Variants in EXOC4 observed in about 807,000 individuals in gnomAD.
EXOC4 encodes the protein exocyst complex component 4.
In EXOC4, 71 loss-of-function variants were observed where a neutral mutation model predicts 107.2. The ratio of observed to expected loss-of-function variants is 0.66; its 90% CI spans 0.55 to 0.81. The LOEUF is 0.81. Among genes scored for constraint, EXOC4 ranks in the 30% least tolerant of loss-of-function variants. The pLI is 0.00. For missense variants in EXOC4, 1,108 were observed against 1,189.6 expected (o/e 0.93, Z 1.01); for synonymous variants, 456 against 441.2 (o/e 1.03, Z -0.42).
intron 12 of EXOC4, among the ~76,000 whole-genome samples, chr7:133,906,443 G>T (rs1374639340): frequency 6.6e-6 from 1 of 152,198 alleles, no homozygotes; most frequent in Admixed American, 6.5e-5. Context: ...GTAGTAAAGA[G>T]AGCTCACTAA....
chr7:133,436,413 A>T (rs1797975402), intron 7 of EXOC4, among the ~76,000 whole-genome samples: 1 of 152,066 alleles, frequency 6.6e-6, no homozygotes, highest in Non-Finnish European at 1.5e-5. Flanking sequence ...CTAATAAATG[A>T]TGAAACTAAC....
chr7:133,750,972 CGTT>C (rs1795783286), intron 10 of EXOC4, among the ~76,000 whole-genome samples: 1 of 152,150 alleles, frequency 6.6e-6, no homozygotes, highest in Non-Finnish European at 1.5e-5. Flanking sequence ...CTTGGACAGA[CGTT>C]GTTTGTATTT....
chr7:134,000,568 A>G (rs970385394), intron 15 of EXOC4, among the ~76,000 whole-genome samples: 3 of 152,196 alleles, frequency 2.0e-5, no homozygotes, highest in African/African-American at 4.8e-5. Context: ...TCTTTAAAGA[A>G]AATGAATTGG....
In EXOC4 at chr7:133,692,820, A is replaced by G. The variant is rs146515379; in HGVS notation, c.1514+62679A>G. ...CTTAACCTTTCTCCTCCTCCTTAGAATTAGTATTTCTCAATAATATTGTCA... is the reference window on the plus strand; with the variant it reads ...CTTAACCTTTCTCCTCCTCCTTAGAGTTAGTATTTCTCAATAATATTGTCA... On this transcript the variant is annotated intron_variant, in intron 10 of 17. Transcript: ENST00000253861. Among the ~76,000 whole-genome samples, 342 of 152,308 alleles carry G rather than the reference A, an allele frequency of 2.2e-3. 2 individuals are homozygous for G. The highest frequency in any genetic ancestry group is 7.7e-3 in the African/African-American group (321 of 41,570).
intron 11 of EXOC4, among the ~76,000 whole-genome samples, chr7:133,835,451 G>A (rs1245889089): frequency 1.3e-5 from 2 of 152,294 alleles, no homozygotes; most frequent in Admixed American, 6.5e-5. Context: ...TGTGTTCATA[G>A]GTAGATAAGA....
At chr7:133,624,190 C>T (rs1024551420) in intron 9 of EXOC4, among the ~76,000 whole-genome samples, 1 of 152,120 alleles carries the variant, frequency 6.6e-6, no homozygotes, top group Middle Eastern at 3.2e-3. Flanking sequence ...TGGGGCATGC[C>T]ACTTCCTATG....
intron 12 of EXOC4, among the ~76,000 whole-genome samples, chr7:133,914,934 T>A (rs1345929932): frequency 4.6e-5 from 7 of 152,184 alleles, no homozygotes; most frequent in Admixed American, 4.6e-4. Flanking sequence ...AATTGTGGAT[T>A]TCTAAAACAT....
At chr7:133,737,517 C>T (rs1273956362) in intron 10 of EXOC4, among the ~76,000 whole-genome samples, 1 of 151,676 alleles carries the variant, frequency 6.6e-6, no homozygotes, top group Admixed American at 6.6e-5. Flanking sequence ...CTATATAGAT[C>T]TACCTCATGT....
At chr7:133,350,705 C>T (rs59739704) in intron 5 of EXOC4, among the ~76,000 whole-genome samples, 7,965 of 152,004 alleles carry the variant, frequency 0.052, 651 homozygotes, top group African/African-American at 0.17. Flanking sequence ...TCAGGATGGT[C>T]TCTCTCTGCA....
intron 9 of EXOC4, among the ~76,000 whole-genome samples, chr7:133,605,087 G>A (rs1801907446): frequency 6.6e-6 from 1 of 152,018 alleles, no homozygotes; most frequent in Non-Finnish European, 1.5e-5. Context: ...GTCTTTCATA[G>A]GTTGTTAGGT....
intron 3 of EXOC4, among the ~76,000 whole-genome samples, chr7:133,305,445 G>A (rs756120748): frequency 6.6e-6 from 1 of 152,160 alleles, no homozygotes; most frequent in East Asian, 1.9e-4. Context: ...CATGATTGCT[G>A]TGAGAACAAG....
chr7:133,363,370 A>G (rs138069713), intron 6 of EXOC4, among the ~76,000 whole-genome samples: 1,651 of 152,336 alleles, frequency 0.011, 16 homozygotes, highest in Non-Finnish European at 0.017. Context: ...TCCCAAGTCT[A>G]TATACTTTCT....
intron 7 of EXOC4, among the ~76,000 whole-genome samples, chr7:133,404,260 C>T (rs925576259): frequency 9.9e-5 from 15 of 152,154 alleles, no homozygotes; most frequent in African/African-American, 1.7e-4. Context: ...CCACTACGCC[C>T]GGCTAATTTT....
At chr7:133,555,158 G>C (rs1450310185) in intron 9 of EXOC4, among the ~76,000 whole-genome samples, 2 of 152,230 alleles carry the variant, frequency 1.3e-5, no homozygotes, top group Middle Eastern at 3.4e-3. Flanking sequence ...TATAGACCAA[G>C]ACATCTAAAT....
At chr7:133,737,852 T>A (rs908838693) in intron 10 of EXOC4, among the ~76,000 whole-genome samples, 2 of 151,610 alleles carry the variant, frequency 1.3e-5, no homozygotes, top group Non-Finnish European at 1.5e-5. Flanking sequence ...GTTGGACCCA[T>A]ATACTTTTAG....
chr7:133,402,230 G>A (rs1207190981), intron 7 of EXOC4, among the ~76,000 whole-genome samples: 1 of 152,148 alleles, frequency 6.6e-6, no homozygotes, highest in Non-Finnish European at 1.5e-5. Context: ...CTTTTTGTTG[G>A]CTAATTGCCA....
At position 133,806,990 on chromosome 7, in the gene EXOC4, G is replaced by A. The variant is rs754108357; in HGVS notation, c.1515-10335G>A. Among the ~76,000 whole-genome samples, 30 of 152,196 alleles carry A rather than the reference G, an allele frequency of 2.0e-4. 1 individual carries two copies. Among genetic ancestry groups the A allele is most frequent in the South Asian group, 4.2e-4 (2 of 4,818 alleles). ...TATGCTGATTTTCTTAAATAAATACGGTCGGCCCTCATATCGCAGGGCTCT... is the reference window on the plus strand; with the variant it reads ...TATGCTGATTTTCTTAAATAAATACAGTCGGCCCTCATATCGCAGGGCTCT... On this transcript the variant is annotated intron_variant, in intron 10 of 17. Coordinates refer to ENST00000253861, the MANE Select transcript of EXOC4 (RefSeq NM_021807.4).
At chr7:133,485,803 G>C (rs1799259042) in intron 9 of EXOC4, among the ~76,000 whole-genome samples, 1 of 152,044 alleles carries the variant, frequency 6.6e-6, no homozygotes, top group Non-Finnish European at 1.5e-5. Context: ...CTACTTATTT[G>C]AGAAACCCTA....
chr7:133,559,544 G>A (rs1413872844), intron 9 of EXOC4, among the ~76,000 whole-genome samples: 3 of 152,090 alleles, frequency 2.0e-5, no homozygotes, highest in African/African-American at 7.2e-5. Context: ...TTCCAAATGC[G>A]TAATTAGAAT....
Sources: gnomAD v4.1 joint callset for allele counts (sites outside exome capture counted in the v4.1 genomes callset) on GRCh38, gnomAD v4.1.1 for gene constraint, MANE v1.5 for transcripts, NCBI Gene and HGNC (gene_info 2026-07-23, HGNC 2026-07-21) for gene names.